The following MTA3 variants were observed in gnomAD, a reference collection of about 807,000 sequenced individuals.
The protein encoded by MTA3 is metastasis associated 1 family member 3.
A neutral mutation model predicts 83.5 loss-of-function variants in MTA3; 34 were observed. That is an observed-to-expected ratio of 0.41 (90% confidence interval 0.31 to 0.54). The LOEUF is 0.54. MTA3 is among the 20% of genes least tolerant of loss of function. MTA3 has a pLI of 0.33. For missense variants in MTA3, 761 were observed against 726.4 expected (o/e 1.05, Z -0.55); for synonymous variants, 303 against 252.7 (o/e 1.20, Z -1.89).
chr2:42,547,621 G>A (rs1353788465), intron 2 of MTA3, among the ~76,000 whole-genome samples: 1 of 152,222 alleles, frequency 6.6e-6, no homozygotes, highest in South Asian at 2.1e-4. Context: ...GTCAACCCCC[G>A]CGCCTGGAGG....
rs145805929 is a variant in MTA3, at chr2:42,742,462, A to G, written c.1760-10912A>G. ...CACTTTTTAATAAAACCCCTTCACC[A>G]TCATTTTTTGCCTGTGTAAAGCTCA... On this transcript the variant is annotated intron_variant, in intron 16 of 16. Coordinates refer to ENST00000405094, the MANE Select transcript of MTA3 (RefSeq NM_001330442.2). Among the ~76,000 whole-genome samples, 1,040 of 152,164 alleles carry G rather than the reference A, an allele frequency of 6.8e-3. 12 individuals carry two copies. Among genetic ancestry groups the G allele is most frequent in the African/African-American group, 0.023 (968 of 41,528 alleles).
At chr2:42,660,479 C>T (rs1340734301) in intron 8 of MTA3, among the ~76,000 whole-genome samples, 1 of 151,942 alleles carries the variant, frequency 6.6e-6, no homozygotes, top group African/African-American at 2.4e-5. Flanking sequence ...ATGAAGCTTC[C>T]TATATTCAGT....
At chr2:42,639,501 G>C (rs886208359) in intron 4 of MTA3, among the ~76,000 whole-genome samples, 1 of 152,088 alleles carries the variant, frequency 6.6e-6, no homozygotes. Context: ...TTTTCTCAGA[G>C]TCTAGACAAG....
At chr2:42,731,873 G>A (rs753110315) in intron 16 of MTA3, among the ~76,000 whole-genome samples, 1 of 152,202 alleles carries the variant, frequency 6.6e-6, no homozygotes, top group Non-Finnish European at 1.5e-5. Context: ...TAGATACAGT[G>A]GGGGTACAGG....
intron 3 of MTA3, among the ~76,000 whole-genome samples, chr2:42,600,874 T>C (rs1682482553): frequency 6.6e-6 from 1 of 152,026 alleles, no homozygotes; most frequent in Admixed American, 6.6e-5. Context: ...TTTTATTTGC[T>C]GAGTAGAGTT....
intron 2 of MTA3, among the ~76,000 whole-genome samples, chr2:42,559,755 A>C (rs1286859249): frequency 3.5e-5 from 5 of 142,872 alleles, no homozygotes; most frequent in Admixed American, 1.4e-4. Context: ...GCATGCCTGT[A>C]ATCCCAGCTA....
intron 2 of MTA3, among the ~76,000 whole-genome samples, chr2:42,513,761 A>C (rs990487439): frequency 2.0e-5 from 3 of 152,206 alleles, no homozygotes; most frequent in African/African-American, 7.2e-5. Flanking sequence ...ACTTAAAGGG[A>C]CAGGGAAGTG....
chr2:42,678,969 C>A (rs188481214), intron 8 of MTA3, among the ~76,000 whole-genome samples: 4 of 151,972 alleles, frequency 2.6e-5, no homozygotes, highest in African/African-American at 9.7e-5. Context: ...CTCATTTGAC[C>A]CTCACAAGCC....
chr2:42,695,901 T>A, intron 10 of MTA3, 62 bp downstream of exon 10: 2 of 1,167,668 alleles, frequency 1.7e-6, no homozygotes, highest in Non-Finnish European at 2.4e-6. Flanking sequence ...GTTTATATTT[T>A]AATATTTTTT....
intron 3 of MTA3, among the ~76,000 whole-genome samples, chr2:42,594,653 AATATAT>A (rs72382739): frequency 8.0e-6 from 1 of 125,344 alleles, no homozygotes; most frequent in Non-Finnish European, 1.6e-5. Flanking sequence ...TATATATATA[AATATAT>A]ATATACACAC....
intron 4 of MTA3, among the ~76,000 whole-genome samples, chr2:42,622,232 G>A (rs886576387): frequency 2.2e-4 from 34 of 152,234 alleles, no homozygotes; most frequent in African/African-American, 7.0e-4. Flanking sequence ...GCGAAACCCC[G>A]TCTCCACCAA....
intron 9 of MTA3, among the ~76,000 whole-genome samples, chr2:42,684,163 G>A (rs1692178468): frequency 6.6e-6 from 1 of 152,080 alleles, no homozygotes. Flanking sequence ...ACTGTCTTTA[G>A]TTAAACTTAT....
intron 3 of MTA3, among the ~76,000 whole-genome samples, chr2:42,592,905 C>T (rs1681204661): frequency 6.6e-6 from 1 of 152,110 alleles, no homozygotes; most frequent in African/African-American, 2.4e-5. Context: ...AATCCCACCA[C>T]TTGGGGAGGC....
At chr2:42,606,320 G>A (rs1218263173) in intron 3 of MTA3, among the ~76,000 whole-genome samples, 3 of 148,460 alleles carry the variant, frequency 2.0e-5, no homozygotes, top group Non-Finnish European at 3.0e-5. Flanking sequence ...GCTGCCGGGC[G>A]GAGAGGCTCC....
intron 8 of MTA3, among the ~76,000 whole-genome samples, chr2:42,668,268 G>T (rs1322082051): frequency 1.3e-5 from 2 of 152,204 alleles, no homozygotes; most frequent in Non-Finnish European, 2.9e-5. Context: ...AGCTGCTCAG[G>T]TTGGCTGGAA....
chr2:42,683,666 A>T (rs1692128848), intron 9 of MTA3, among the ~76,000 whole-genome samples: 1 of 152,166 alleles, frequency 6.6e-6, no homozygotes, highest in African/African-American at 2.4e-5. Context: ...TAGGCATTAG[A>T]TTCTCATAAG....
chr2:42,566,689 A>T (rs1326292119), upstream of MTA3, among the ~76,000 whole-genome samples: 1 of 152,226 alleles, frequency 6.6e-6, no homozygotes, highest in Non-Finnish European at 1.5e-5. Context: ...AGCTTGGGAA[A>T]TGAGACAGGC....
intron 2 of MTA3, among the ~76,000 whole-genome samples, chr2:42,522,656 G>A (rs1264021147): frequency 6.6e-6 from 1 of 151,928 alleles, no homozygotes; most frequent in Non-Finnish European, 1.5e-5. Context: ...AATTAGTTGA[G>A]TATGGTGGTG....
At chr2:42,608,223 T>A (rs922642902) in intron 3 of MTA3, among the ~76,000 whole-genome samples, 2 of 152,170 alleles carry the variant, frequency 1.3e-5, no homozygotes, top group Non-Finnish European at 2.9e-5. Flanking sequence ...ACAACAACAA[T>A]TTGTCAAATC....
Sources: gnomAD v4.1 joint callset for allele counts (sites outside exome capture counted in the v4.1 genomes callset) on GRCh38, gnomAD v4.1.1 for gene constraint, MANE v1.5 for transcripts, NCBI Gene and HGNC (gene_info 2026-07-23, HGNC 2026-07-21) for gene names.